CLNK: variants seen among roughly 807,000 people sequenced by gnomAD.
CLNK encodes the protein cytokine-dependent hematopoietic cell linker.
CLNK carries 74 observed loss-of-function variants against 68.6 expected under a neutral mutation model. The ratio of observed to expected loss-of-function variants is 1.08; its 90% CI spans 0.89 to 1.31. The LOEUF (loss-of-function observed/expected upper bound fraction) is 1.31, where lower values mean the gene tolerates loss of function less well. Ranked by LOEUF, CLNK falls within the 50% of genes most tolerant of loss-of-function variation. The pLI is 0.00. For synonymous variants in CLNK, 198 were observed against 172.2 expected (o/e 1.15, Z -1.17); for missense variants, 553 against 515.3 (o/e 1.07, Z -0.71).
intron 3 of CLNK, among the ~76,000 whole-genome samples, chr4:10,596,839 CT>C (rs1250038791): frequency 2.0e-5 from 3 of 152,138 alleles, no homozygotes; most frequent in African/African-American, 7.2e-5. Context: ...CCAAATGTAA[CT>C]GTAAATATTA....
intron 4 of CLNK, among the ~76,000 whole-genome samples, chr4:10,579,034 C>A (rs895910422): frequency 1.3e-5 from 2 of 152,172 alleles, no homozygotes; most frequent in African/African-American, 2.4e-5. Flanking sequence ...TGTAAGAGAA[C>A]CAGGGATCAA....
chr4:10,591,118 G>T (rs1721164074), intron 3 of CLNK, among the ~76,000 whole-genome samples: 1 of 152,078 alleles, frequency 6.6e-6, no homozygotes, highest in African/African-American at 2.4e-5. Flanking sequence ...GAATCTGGAG[G>T]GATGAATGAG....
chr4:10,503,676 T>C (rs1191078979), intron 17 of CLNK, among the ~76,000 whole-genome samples: 2 of 148,346 alleles, frequency 1.3e-5, no homozygotes, highest in African/African-American at 2.5e-5. Flanking sequence ...AATTTAGAAA[T>C]AATACTGTAA....
the CLNK span, among the ~76,000 whole-genome samples, chr4:10,711,102 T>C: frequency 6.6e-6 from 1 of 152,160 alleles, no homozygotes; most frequent in East Asian, 1.9e-4. Context: ...AATTTGTAGA[T>C]CAATATGACA....
rs900502141 is a variant in CLNK at position 10,488,031 on chromosome 4, A to T, written c.*2436T>A. ...GAAGCAGCCCATGTCAGTATTTTCC[A>T]TTTTATATTTTTTACAGAAGTGTTC... is the stretch of plus-strand genomic sequence containing the variant. On this transcript the variant is annotated 3_prime_UTR_variant, in exon 19 of 19. Coordinates refer to ENST00000226951, the MANE Select transcript of CLNK (RefSeq NM_052964.4). 1 of 152,118 alleles carries T rather than the reference A, an allele frequency of 6.6e-6. No homozygotes were observed. Among genetic ancestry groups the T allele is most frequent in the Non-Finnish European group, 1.5e-5 (1 of 68,032 alleles). The allele number at this position is 152,118 out of a possible 1,614,324, so 9.4% of individuals were successfully genotyped here.
intron 2 of CLNK, among the ~76,000 whole-genome samples, chr4:10,643,011 G>T (rs1165620144): frequency 6.6e-6 from 1 of 152,140 alleles, no homozygotes; most frequent in South Asian, 2.1e-4. Context: ...CACACATACA[G>T]ACAGACAGAC....
chr4:10,614,378 C>T (rs1271172607), intron 2 of CLNK, among the ~76,000 whole-genome samples: 2 of 152,128 alleles, frequency 1.3e-5, no homozygotes, highest in African/African-American at 4.8e-5. Flanking sequence ...GAGTTTTCAT[C>T]CTTGGTTCTA....
chr4:10,581,621 C>T (rs1328040982), intron 4 of CLNK, among the ~76,000 whole-genome samples: 1 of 151,290 alleles, frequency 6.6e-6, no homozygotes, highest in African/African-American at 2.4e-5. Context: ...TATAGTAATA[C>T]AATCTCAGAC....
At chr4:10,514,147 T>C (rs933382823) in intron 15 of CLNK, among the ~76,000 whole-genome samples, 1 of 144,562 alleles carries the variant, frequency 6.9e-6, no homozygotes, top group Non-Finnish European at 1.5e-5. Flanking sequence ...CTGAGAATGA[T>C]GGTTTCCAAT....
At chr4:10,620,591 C>A (rs1268918083) in intron 2 of CLNK, among the ~76,000 whole-genome samples, 1 of 152,180 alleles carries the variant, frequency 6.6e-6, no homozygotes, top group African/African-American at 2.4e-5. Flanking sequence ...GGCTCCCTGA[C>A]ACTTCCAGAG....
At chr4:10,523,918 T>G (rs1259308097) in intron 14 of CLNK, 1 of 379,814 alleles carries the variant, frequency 2.6e-6, no homozygotes, top group African/African-American at 2.2e-5. Flanking sequence ...CCAGCTACTC[T>G]GGGGGATGAT....
At chr4:10,707,069 T>A in the CLNK span, among the ~76,000 whole-genome samples, 1 of 152,074 alleles carries the variant, frequency 6.6e-6, no homozygotes, top group Non-Finnish European at 1.5e-5. Context: ...GGGTGAGCCA[T>A]CGCGCCTGGC....
intron 4 of CLNK, among the ~76,000 whole-genome samples, chr4:10,578,015 T>A (rs1720635740): frequency 6.6e-6 from 1 of 152,156 alleles, no homozygotes; most frequent in African/African-American, 2.4e-5. Context: ...CAAACCCAGT[T>A]ACTTACAAGC....
chr4:10,629,722 A>G (rs1050241801), intron 2 of CLNK, among the ~76,000 whole-genome samples: 4 of 151,860 alleles, frequency 2.6e-5, no homozygotes, highest in African/African-American at 9.7e-5. Flanking sequence ...CTTGCAACTT[A>G]TAGAGTTTGG....
the CLNK span, among the ~76,000 whole-genome samples, chr4:10,708,900 C>T: frequency 1.3e-5 from 2 of 152,142 alleles, no homozygotes; most frequent in African/African-American, 4.8e-5. Flanking sequence ...GCCAAAATGC[C>T]AGAGACTACT....
Position 10,591,286 on chromosome 4 carries a change from GACCGT to G in CLNK, c.84-6336_84-6332del, listed in dbSNP as rs539751473. 1.6e-4 allele frequency among the ~76,000 whole-genome samples: 24 copies of G among 152,326 alleles called. No individual in the cohort carries two copies. In the East Asian group the frequency reaches 4.2e-3, roughly 27 times the overall value. ...GGGAATAGGTATGATGGCCTGGACA[GACCGT>G]TTATCTTGTTTCCCATGTGGCCACC... On this transcript the variant is annotated intron_variant, in intron 3 of 18. Coordinates refer to ENST00000226951, the MANE Select transcript of CLNK (RefSeq NM_052964.4).
rs937912346 is a variant in CLNK, at chr4:10,487,622, CT to C, written c.*2844del. 2.4e-4 allele frequency: 35 copies of C among 147,962 alleles called. No individual in the cohort carries two copies. The highest frequency in any genetic ancestry group is 7.9e-4 in the East Asian group (4 of 5,070). 9.2% of individuals were successfully genotyped at this position (147,962 alleles called of 1,614,324 possible). On this transcript the variant is annotated 3_prime_UTR_variant, in exon 19 of 19. Transcript: ENST00000226951. ...TGGATTGGCCACAGCATTTGCAGGT[CT>C]TTTTTTTTTGTTGTTTTTCTTTTTC... is the stretch of plus-strand genomic sequence containing the variant.
intron 18 of CLNK, among the ~76,000 whole-genome samples, chr4:10,492,599 TGTTGGGAGGGAAC>T (rs1716628148): frequency 6.6e-6 from 1 of 152,142 alleles, no homozygotes; most frequent in South Asian, 2.1e-4. Context: ...CCCTCGGGGC[TGTTGGGAGGGAAC>T]GTTCTTTTCT....
chr4:10,486,607 T>A lies in CLNK; in HGVS notation c.*3860A>T, dbSNP rs1716366097. 1 of 152,148 alleles carries A rather than the reference T, an allele frequency of 6.6e-6. No individual in the cohort carries two copies. The highest frequency in any genetic ancestry group is 6.5e-5 in the Admixed American group (1 of 15,270). The allele number at this position is 152,148 out of a possible 1,614,324, so 9.4% of individuals were successfully genotyped here. On this transcript the variant is annotated 3_prime_UTR_variant, in exon 19 of 19. Coordinates refer to ENST00000226951, the MANE Select transcript of CLNK (RefSeq NM_052964.4). Reference sequence around the variant, plus strand: ...CAATGGGGTTCATTTGATTCCTCCGTAGTAATTAGAACAGGAGACTTAACT... The same window carrying A: ...CAATGGGGTTCATTTGATTCCTCCGAAGTAATTAGAACAGGAGACTTAACT...
Sources: allele counts gnomAD v4.1 joint callset (sites outside exome capture counted in the v4.1 genomes callset), GRCh38; gene constraint gnomAD v4.1.1; transcripts MANE v1.5; gene names NCBI Gene and HGNC (gene_info 2026-07-23, HGNC 2026-07-21).